The following DNAH7 variants were observed in gnomAD, a reference collection of about 807,000 sequenced individuals.
DNAH7 encodes axonemal beta dynein heavy chain 7.
Under a neutral mutation model 444.6 loss-of-function variants are expected in DNAH7, and 397 were observed. That is an observed-to-expected ratio of 0.89 (90% confidence interval 0.82 to 0.97). The LOEUF is 0.97. Among genes scored for constraint, DNAH7 ranks in the 50% least tolerant of loss-of-function variants. The pLI, the probability that DNAH7 is intolerant of heterozygous loss-of-function variation, is 0.00. For missense variants in DNAH7, 4,902 were observed against 4,800.8 expected (o/e 1.02, Z -0.62); for synonymous variants, 1,636 against 1,624.4 (o/e 1.01, Z -0.17).
At chr2:195,750,230 A>T (rs1454476388) in intron 63 of DNAH7, among the ~76,000 whole-genome samples, 2 of 152,190 alleles carry the variant, frequency 1.3e-5, no homozygotes, top group Non-Finnish European at 2.9e-5. Flanking sequence ...GGATTAAATT[A>T]GTAAATCAAC....
intron 17 of DNAH7, among the ~76,000 whole-genome samples, chr2:195,967,386 G>GT (rs1691553791): frequency 6.6e-6 from 1 of 152,080 alleles, no homozygotes; most frequent in South Asian, 2.1e-4. Flanking sequence ...GACATGAGTA[G>GT]TTTACATACC....
chr2:196,042,426 C>G (rs1281634997), intron 5 of DNAH7, among the ~76,000 whole-genome samples: 1 of 151,664 alleles, frequency 6.6e-6, no homozygotes, highest in Non-Finnish European at 1.5e-5. Context: ...AGATAAGGCA[C>G]AAACTGGGAG....
At chr2:195,867,575 A>C (rs952901071) in intron 40 of DNAH7, among the ~76,000 whole-genome samples, 1 of 152,190 alleles carries the variant, frequency 6.6e-6, no homozygotes, top group African/African-American at 2.4e-5. Context: ...CCTGGTACCC[A>C]ATAGAAGCTA....
At chr2:196,047,326 C>G in intron 5 of DNAH7, 26 bp downstream of exon 5, 1 of 1,523,372 alleles carries the variant, frequency 6.6e-7, no homozygotes. Flanking sequence ...ATGGGTAACA[C>G]GTAATGGTTA....
rs1559192548 is a variant in DNAH7, at chr2:195,891,811, G to A, written c.4897-7C>T. ...TGTTTTCTTCCATTAGCCCCTTAATGAAAAAAAAAAACATTTATTTATGTA... is the reference window on the plus strand; with the variant it reads ...TGTTTTCTTCCATTAGCCCCTTAATAAAAAAAAAAAACATTTATTTATGTA... On this transcript the variant is annotated splice_region_variant and splice_polypyrimidine_tract_variant and intron_variant, in intron 30 of 64. Transcript: ENST00000312428. 8.1e-6 allele frequency: 10 copies of A among 1,227,050 alleles called. No homozygotes were observed. The highest frequency in any genetic ancestry group is 7.5e-5 in the Admixed American group (3 of 39,868). The allele number at this position is 1,227,050 out of a possible 1,614,324, so 76.0% of individuals were successfully genotyped here. A position where few individuals can be genotyped will look rare whatever the true frequency, so the allele number is the denominator to read the frequency against.
chr2:195,850,608 G>A (rs1368835984), intron 46 of DNAH7, among the ~76,000 whole-genome samples: 5 of 152,226 alleles, frequency 3.3e-5, no homozygotes, highest in East Asian at 1.9e-4. Flanking sequence ...AATAATTGAC[G>A]ACTACTCAGA....
rs1690746816 is a variant in DNAH7, at chr2:195,957,426, T to C, written c.2913A>G (p.Leu971=). ...ATTCATCCAGAATCTCCTGAAGCAGTAGGAGCTTGCCCTCCCATTCTCTGA... is the reference window on the plus strand; with the variant it reads ...ATTCATCCAGAATCTCCTGAAGCAGCAGGAGCTTGCCCTCCCATTCTCTGA... ...KQMREWEGKL[L]LLQEILDEWL... The change falls in exon 19 of 65, where the codon CTA becomes CTG. Residue 971 remains leucine (L), a synonymous_variant. Transcript: ENST00000312428. The C allele has an allele frequency of 6.3e-7, 1 of 1,577,328 alleles. No individual in the cohort carries two copies. The highest frequency in any genetic ancestry group is 1.3e-5 in the African/African-American group (1 of 74,376).
At chr2:195,825,836 C>G (rs1697717583) in intron 48 of DNAH7, among the ~76,000 whole-genome samples, 1 of 152,128 alleles carries the variant, frequency 6.6e-6, no homozygotes. Flanking sequence ...TCTCAATTGC[C>G]ATGAAAGTGC....
chr2:195,878,014 T>C lies in DNAH7; in HGVS notation c.5962-1315A>G, dbSNP rs376479489. 1.7e-4 allele frequency among the ~76,000 whole-genome samples: 26 copies of C among 152,336 alleles called. 1 individual carries two copies. In the East Asian group the frequency reaches 4.2e-3, roughly 25 times the overall value. The stretch of plus-strand genomic sequence containing the variant: ...GATTGTATAGTTATAATGTAAGTGA[T>C]AGATTATTTCAAGAGGAATAATAGT... On this transcript the variant is annotated intron_variant, in intron 36 of 64. Coordinates refer to ENST00000312428, the MANE Select transcript of DNAH7 (RefSeq NM_018897.3).
At chr2:195,918,961 A>AG (rs1267371799) in intron 24 of DNAH7, among the ~76,000 whole-genome samples, 10 of 152,134 alleles carry the variant, frequency 6.6e-5, no homozygotes, top group Non-Finnish European at 1.3e-4. Flanking sequence ...CACTAATGAA[A>AG]GATTTTGGGC....
chr2:195,762,443 A>AT (rs1174729268), intron 61 of DNAH7, among the ~76,000 whole-genome samples: 1 of 152,136 alleles, frequency 6.6e-6, no homozygotes, highest in Admixed American at 6.5e-5. Flanking sequence ...GGCTGAATGA[A>AT]TTTTTTTAAA....
At chr2:195,781,659 T>G (rs1208475235) in intron 58 of DNAH7, among the ~76,000 whole-genome samples, 1 of 120,834 alleles carries the variant, frequency 8.3e-6, no homozygotes, top group East Asian at 2.3e-4. Context: ...CGTTTTAACC[T>G]TAACTAGCAA....
intron 3 of DNAH7, among the ~76,000 whole-genome samples, chr2:196,049,784 T>C (rs768644434): frequency 3.9e-5 from 6 of 152,210 alleles, no homozygotes; most frequent in East Asian, 1.9e-4. Flanking sequence ...GCAAGAATTA[T>C]TATGCGTCTC....
intron 15 of DNAH7, among the ~76,000 whole-genome samples, chr2:195,975,099 T>G (rs898714014): frequency 6.6e-6 from 1 of 152,078 alleles, no homozygotes; most frequent in Non-Finnish European, 1.5e-5. Flanking sequence ...AATACCAACT[T>G]TAACAACCAT....
At chr2:195,976,343 T>A (rs1692183964) in intron 15 of DNAH7, among the ~76,000 whole-genome samples, 1 of 152,072 alleles carries the variant, frequency 6.6e-6, no homozygotes, top group African/African-American at 2.4e-5. Context: ...CCTCTGCTTA[T>A]CAAAAGGGGA....
intron 40 of DNAH7, among the ~76,000 whole-genome samples, chr2:195,866,603 C>T (rs773302258): frequency 6.6e-6 from 1 of 152,198 alleles, no homozygotes; most frequent in African/African-American, 2.4e-5. Context: ...GAACCTATAG[C>T]AGCATTTCTC....
intron 44 of DNAH7, among the ~76,000 whole-genome samples, chr2:195,856,760 G>A (rs924981542): frequency 2.6e-5 from 4 of 152,296 alleles, no homozygotes; most frequent in African/African-American, 7.2e-5. Context: ...GGATCCTGAC[G>A]ACACTTGCCC....
chr2:195,809,381 A>G (rs1461987025), intron 52 of DNAH7, among the ~76,000 whole-genome samples: 2 of 152,210 alleles, frequency 1.3e-5, no homozygotes, highest in Non-Finnish European at 2.9e-5. Flanking sequence ...TAAGTGTATA[A>G]AATAGTGACT....
At chr2:195,919,519 A>G (rs1687893755) in intron 24 of DNAH7, among the ~76,000 whole-genome samples, 1 of 151,726 alleles carries the variant, frequency 6.6e-6, no homozygotes, top group African/African-American at 2.4e-5. Context: ...TAATTTTTAT[A>G]TTTTTAGTAG....
Sources: gnomAD v4.1 joint callset for allele counts (sites outside exome capture counted in the v4.1 genomes callset) on GRCh38, gnomAD v4.1.1 for gene constraint, MANE v1.5 for transcripts, NCBI Gene and HGNC (gene_info 2026-07-23, HGNC 2026-07-21) for gene names.